WLS: variants seen among roughly 807,000 people sequenced by gnomAD.
WLS encodes protein wntless homolog.
Under a neutral mutation model 62.8 loss-of-function variants are expected in WLS, and 23 were observed. The observed-to-expected ratio is 0.37, with a 90% CI of 0.26 to 0.52. The LOEUF (loss-of-function observed/expected upper bound fraction) is 0.52, where lower values mean the gene tolerates loss of function less well. Among genes scored for constraint, WLS ranks in the 20% least tolerant of loss-of-function variants. The pLI, the probability that WLS is intolerant of heterozygous loss-of-function variation, is 0.92. For missense variants in WLS, 615 were observed against 697.3 expected (o/e 0.88, Z 1.33); for synonymous variants, 246 against 244.1 (o/e 1.01, Z -0.07).
chr1:68,104,332 G>A (rs1017288157), intron 11 of WLS, among the ~76,000 whole-genome samples: 1 of 152,142 alleles, frequency 6.6e-6, no homozygotes, highest in African/African-American at 2.4e-5. Flanking sequence ...GACTTAGCTA[G>A]TTATGCAAAG....
chr1:68,114,589 C>T (rs576822215), intron 11 of WLS, among the ~76,000 whole-genome samples: 25 of 152,262 alleles, frequency 1.6e-4, no homozygotes, highest in African/African-American at 5.5e-4. Context: ...CGTTTTAATC[C>T]GTTTCATGCT....
At chr1:68,197,586 T>C (rs1181475035) in intron 1 of WLS, among the ~76,000 whole-genome samples, 1 of 152,160 alleles carries the variant, frequency 6.6e-6, no homozygotes, top group Non-Finnish European at 1.5e-5. Context: ...CATGGACAGT[T>C]AATGTTCCCC....
chr1:68,211,717 C>T (rs1261470492), intron 1 of WLS, among the ~76,000 whole-genome samples: 1 of 152,214 alleles, frequency 6.6e-6, no homozygotes, highest in Non-Finnish European at 1.5e-5. Flanking sequence ...CCATTTCTCA[C>T]CACTCATGAG....
intron 11 of WLS, among the ~76,000 whole-genome samples, chr1:68,099,965 C>T (rs1286062957): frequency 6.6e-6 from 1 of 152,208 alleles, no homozygotes; most frequent in Admixed American, 6.5e-5. Context: ...TAAATTGGTG[C>T]ACATAAAGTT....
chr1:68,166,419 T>C (rs1045651071), intron 2 of WLS, among the ~76,000 whole-genome samples: 1 of 152,212 alleles, frequency 6.6e-6, no homozygotes, highest in Non-Finnish European at 1.5e-5. Context: ...TCTTCAGGCC[T>C]CACATCCATC....
chr1:68,191,579 A>G (rs1358116392), intron 2 of WLS, among the ~76,000 whole-genome samples: 4 of 152,200 alleles, frequency 2.6e-5, no homozygotes. Flanking sequence ...ACCCGTTACA[A>G]GAATCATGTC....
chr1:68,136,817 C>T (rs1570866486), intron 11 of WLS, among the ~76,000 whole-genome samples: 1 of 152,332 alleles, frequency 6.6e-6, no homozygotes, highest in Non-Finnish European at 1.5e-5. Flanking sequence ...ATGCAACACA[C>T]ACTCACTGAG....
At chr1:68,169,923 G>C (rs1647121054) in intron 2 of WLS, among the ~76,000 whole-genome samples, 1 of 152,118 alleles carries the variant, frequency 6.6e-6, no homozygotes, top group Non-Finnish European at 1.5e-5. Flanking sequence ...TCCAGCCTTG[G>C]AAGATGAGTA....
intron 11 of WLS, among the ~76,000 whole-genome samples, chr1:68,136,768 T>C (rs915268807): frequency 2.0e-5 from 3 of 152,134 alleles, no homozygotes; most frequent in Non-Finnish European, 2.9e-5. Context: ...GAGTAGAGTT[T>C]CATTAGTCCC....
intron 2 of WLS, among the ~76,000 whole-genome samples, chr1:68,188,561 T>A (rs935575560): frequency 4.6e-5 from 7 of 152,196 alleles, no homozygotes; most frequent in Admixed American, 1.3e-4. Flanking sequence ...AGACAGATTA[T>A]ATCCAGGAAG....
chr1:68,126,776 G>GC (rs1646437339), intron 11 of WLS, among the ~76,000 whole-genome samples: 1 of 152,142 alleles, frequency 6.6e-6, no homozygotes, highest in African/African-American at 2.4e-5. Context: ...GGAGGAGCAG[G>GC]CCCACAAGAG....
intron 10 of WLS, among the ~76,000 whole-genome samples, chr1:68,138,970 G>A (rs1646649573): frequency 6.6e-6 from 1 of 152,198 alleles, no homozygotes; most frequent in Non-Finnish European, 1.5e-5. Context: ...TTATGATACA[G>A]TGGGTCTGTG....
chr1:68,125,715 A>T lies in WLS; in HGVS notation c.*511T>A. The T allele has an allele frequency of 1.0e-6, 1 of 986,200 alleles. No homozygotes were observed. The highest frequency in any genetic ancestry group is 1.2e-6 in the Non-Finnish European group (1 of 830,464). The allele number at this position is 986,200 out of a possible 1,614,324, so 61.1% of individuals were successfully genotyped here. ...TTATCTATTGACAACTTAAATATTA[A>T]CTCAGTGGGCTACCTGGTGATATAA... On this transcript the variant is annotated 3_prime_UTR_variant, in exon 12 of 12. Coordinates refer to ENST00000262348, the MANE Select transcript of WLS (RefSeq NM_024911.7).
intron 2 of WLS, among the ~76,000 whole-genome samples, chr1:68,170,196 G>A (rs145119306): frequency 0.05 from 5,730 of 114,204 alleles, 157 homozygotes; most frequent in Middle Eastern, 0.089. Context: ...ATGGAGTTTC[G>A]CTCTTCTTGC....
chr1:68,117,666 T>C (rs953797576), intron 11 of WLS: 1 of 152,270 alleles, frequency 6.6e-6, no homozygotes, highest in Non-Finnish European at 1.5e-5. Context: ...TGTGCTGCAG[T>C]GGACGCTTAT....
intron 2 of WLS, among the ~76,000 whole-genome samples, chr1:68,177,410 G>A (rs1377264978): frequency 6.6e-6 from 1 of 152,200 alleles, no homozygotes; most frequent in African/African-American, 2.4e-5. Context: ...AACATCCATG[G>A]ACGGGGTCCT....
At chr1:68,221,418 T>C (rs766046823) in intron 1 of WLS, among the ~76,000 whole-genome samples, 5 of 152,180 alleles carry the variant, frequency 3.3e-5, no homozygotes, top group South Asian at 2.1e-4. Context: ...AAAAATCTTA[T>C]CTATGACTTC....
chr1:68,169,728 C>G (rs1015048833), intron 2 of WLS, among the ~76,000 whole-genome samples: 1 of 152,346 alleles, frequency 6.6e-6, no homozygotes, highest in Middle Eastern at 3.4e-3. Context: ...AATTTTCACA[C>G]TTCCTGCTAC....
chr1:68,177,947 G>T lies in WLS; in HGVS notation c.379+16008C>A, dbSNP rs555711582. Among the ~76,000 whole-genome samples the T allele has an allele frequency of 5.8e-4, 88 of 152,316 alleles. 1 individual carries two copies. Among genetic ancestry groups the T allele is most frequent in the Non-Finnish European group, 8.2e-4 (56 of 68,022 alleles). ...AGTGAGGAAAATGAAGTACAAGGAA[G>T]TTTCAAAAACTTCCTTGCCAAGGGT... On this transcript the variant is annotated intron_variant, in intron 2 of 11. Coordinates refer to ENST00000262348, the MANE Select transcript of WLS (RefSeq NM_024911.7).
Sources: gnomAD v4.1 joint callset for allele counts (sites outside exome capture counted in the v4.1 genomes callset) on GRCh38, gnomAD v4.1.1 for gene constraint, MANE v1.5 for transcripts, NCBI Gene and HGNC (gene_info 2026-07-23, HGNC 2026-07-21) for gene names.